Variants in CTNNA3 observed in about 807,000 individuals in gnomAD.
CTNNA3 encodes the protein catenin alpha 3.
Under a neutral mutation model 95.7 loss-of-function variants are expected in CTNNA3, and 76 were observed. The ratio of observed to expected loss-of-function variants is 0.79; its 90% CI spans 0.66 to 0.96. The LOEUF (loss-of-function observed/expected upper bound fraction) is 0.96, where lower values mean the gene tolerates loss of function less well. Ranked by LOEUF, CTNNA3 falls within the 40% of genes least tolerant of loss-of-function variation. The pLI is 0.00. For synonymous variants in CTNNA3, 431 were observed against 374.4 expected, an observed-to-expected ratio of 1.15 and a Z score of -1.74; for missense variants, 1,191 against 1,089.8, an observed-to-expected ratio of 1.09 and a Z score of -1.31.
At chr10:66,317,254 C>G (rs1443052095) in intron 12 of CTNNA3, among the ~76,000 whole-genome samples, 1 of 152,050 alleles carries the variant, frequency 6.6e-6, no homozygotes, top group Non-Finnish European at 1.5e-5. Context: ...TGATGGCCAG[C>G]ACATGCCTTT....
chr10:67,634,745 T>C (rs1231376799), intron 2 of CTNNA3, among the ~76,000 whole-genome samples: 1 of 152,150 alleles, frequency 6.6e-6, no homozygotes, highest in East Asian at 1.9e-4. Context: ...CATTACATAA[T>C]GATAAAGGGT....
chr10:67,128,706 G>T (rs1406350207), intron 7 of CTNNA3, among the ~76,000 whole-genome samples: 3 of 152,050 alleles, frequency 2.0e-5, no homozygotes, highest in Admixed American at 1.3e-4. Flanking sequence ...AATTCTCCAA[G>T]TAATGCTTGC....
intron 10 of CTNNA3, among the ~76,000 whole-genome samples, chr10:66,530,956 C>T (rs1407918406): frequency 6.6e-6 from 1 of 152,096 alleles, no homozygotes; most frequent in Admixed American, 6.6e-5. Context: ...ATAAAACATA[C>T]TGCTGAAGAG....
rs75069961 is a variant in CTNNA3, at chr10:66,157,429, G to A, written c.1885-54180C>T. Among the ~76,000 whole-genome samples the A allele has an allele frequency of 8.7e-3, 1,185 of 135,838 alleles. 25 individuals carry two copies. In the South Asian group the frequency reaches 0.089, roughly 10 times the overall value. The allele number at this position is 135,838 out of a possible 152,430, so 89.1% of individuals were successfully genotyped here. On this transcript the variant is annotated intron_variant, in intron 13 of 17. Coordinates refer to ENST00000433211, the MANE Select transcript of CTNNA3 (RefSeq NM_013266.4). ...CATAGATAGGTAGGTAGGTAGGTAG[G>A]TAGATAGATAGATAGATGATAGATA...
chr10:66,936,820 T>A (rs2140384), intron 7 of CTNNA3, among the ~76,000 whole-genome samples: 1 of 151,938 alleles, frequency 6.6e-6, no homozygotes, highest in African/African-American at 2.4e-5. Context: ...GCTCCCAGAG[T>A]GAGAGCAGGA....
intron 10 of CTNNA3, among the ~76,000 whole-genome samples, chr10:66,560,528 G>A (rs1842521602): frequency 6.6e-6 from 1 of 152,032 alleles, no homozygotes; most frequent in Admixed American, 6.6e-5. Flanking sequence ...CTACACCATT[G>A]CTATTGTTTT....
intron 7 of CTNNA3, among the ~76,000 whole-genome samples, chr10:66,849,750 T>C (rs1436009159): frequency 1.3e-5 from 2 of 152,086 alleles, no homozygotes; most frequent in East Asian, 1.9e-4. Flanking sequence ...GTCCTACAGA[T>C]ACCTTAATTT....
intron 12 of CTNNA3, among the ~76,000 whole-genome samples, chr10:66,309,504 A>T (rs761696959): frequency 2.6e-5 from 4 of 151,278 alleles, no homozygotes; most frequent in African/African-American, 9.7e-5. Flanking sequence ...CATCCTGGCT[A>T]ACACTGTGAA....
chr10:66,653,100 G>T (rs1845965758), intron 9 of CTNNA3, among the ~76,000 whole-genome samples: 1 of 152,076 alleles, frequency 6.6e-6, no homozygotes, highest in African/African-American at 2.4e-5. Flanking sequence ...TAACTAAAGT[G>T]CTGTAAGTCC....
intron 5 of CTNNA3, among the ~76,000 whole-genome samples, chr10:67,490,763 G>T (rs770978091): frequency 3.9e-5 from 6 of 152,176 alleles, no homozygotes; most frequent in African/African-American, 4.8e-5. Flanking sequence ...AGTATGTGGG[G>T]CTCTAAGAGG....
chr10:66,002,319 C>G (rs2078786968), intron 15 of CTNNA3, among the ~76,000 whole-genome samples: 2 of 152,042 alleles, frequency 1.3e-5, no homozygotes, highest in South Asian at 4.1e-4. Flanking sequence ...TTTGAGGACC[C>G]TATAAAAGTC....
At chr10:66,635,824 A>G (rs1195120312) in intron 9 of CTNNA3, among the ~76,000 whole-genome samples, 1 of 152,154 alleles carries the variant, frequency 6.6e-6, no homozygotes, top group Admixed American at 6.5e-5. Flanking sequence ...AAGACATCAT[A>G]ACAATAATCT....
intron 13 of CTNNA3, among the ~76,000 whole-genome samples, chr10:66,210,446 A>G (rs948902751): frequency 1.3e-5 from 2 of 152,062 alleles, no homozygotes; most frequent in Admixed American, 6.6e-5. Context: ...GGAAAATTAA[A>G]AGGCCCAAGT....
chr10:66,782,708 A>T (rs1364088600), intron 7 of CTNNA3, among the ~76,000 whole-genome samples: 2 of 152,214 alleles, frequency 1.3e-5, no homozygotes, highest in Non-Finnish European at 2.9e-5. Flanking sequence ...ATTGTTAACC[A>T]TACTTCTAAT....
In CTNNA3 at chr10:66,198,539, C is replaced by A. The variant is rs144731894; in HGVS notation, c.1884+81931G>T. On this transcript the variant is annotated intron_variant, in intron 13 of 17. Transcript: ENST00000433211. ...AAATGCTACTAGCAAATTGAATCTGCTAGACTGTGAATAATAATAATGATC... is the reference window on the plus strand; with the variant it reads ...AAATGCTACTAGCAAATTGAATCTGATAGACTGTGAATAATAATAATGATC... 3.2e-3 allele frequency among the ~76,000 whole-genome samples: 488 copies of A among 152,090 alleles called. 1 individual carries two copies. Among genetic ancestry groups the A allele is most frequent in the African/African-American group, 0.011 (465 of 41,492 alleles).
intron 12 of CTNNA3, among the ~76,000 whole-genome samples, chr10:66,306,221 C>T (rs920866335): frequency 2.4e-4 from 36 of 152,318 alleles, no homozygotes; most frequent in Non-Finnish European, 5.9e-5. Context: ...TGGCCATCAG[C>T]CACCTGGATT....
intron 7 of CTNNA3, among the ~76,000 whole-genome samples, chr10:66,852,538 T>C (rs1843535043): frequency 6.6e-6 from 1 of 152,202 alleles, no homozygotes; most frequent in African/African-American, 2.4e-5. Flanking sequence ...TAAATATTGT[T>C]ATTCATGAAC....
chr10:66,666,974 G>A (rs1327238628), intron 9 of CTNNA3, among the ~76,000 whole-genome samples: 1 of 151,952 alleles, frequency 6.6e-6, no homozygotes, highest in Non-Finnish European at 1.5e-5. Flanking sequence ...TTAAAAAAAG[G>A]CTGTGAAACA....
intron 13 of CTNNA3, among the ~76,000 whole-genome samples, chr10:66,173,880 T>C (rs2085565688): frequency 6.6e-6 from 1 of 152,120 alleles, no homozygotes; most frequent in African/African-American, 2.4e-5. Flanking sequence ...CTTATAAGCA[T>C]ACAACAAGAA....
Sources: allele counts gnomAD v4.1 joint callset (sites outside exome capture counted in the v4.1 genomes callset), GRCh38; gene constraint gnomAD v4.1.1; transcripts MANE v1.5; gene names NCBI Gene and HGNC (gene_info 2026-07-23, HGNC 2026-07-21).